IL7: variants seen among roughly 807,000 people sequenced by gnomAD.
The protein encoded by IL7 is interleukin-7.
Under a neutral mutation model 21.6 loss-of-function variants are expected in IL7, and 3 were observed. The ratio of observed to expected loss-of-function variants is 0.14; its 90% CI spans 0.06 to 0.36. The LOEUF (loss-of-function observed/expected upper bound fraction) is 0.36. Among genes scored for constraint, IL7 ranks in the 10% least tolerant of loss-of-function variants. IL7 has a pLI of 1.00. For missense variants in IL7, 175 were observed against 200.2 expected (o/e 0.87, Z 0.76); for synonymous variants, 62 against 68.1 (o/e 0.91, Z 0.44).
chr8:78,794,827 T>A (rs1250313021), intron 2 of IL7, among the ~76,000 whole-genome samples: 1 of 152,104 alleles, frequency 6.6e-6, no homozygotes, highest in Admixed American at 6.6e-5. Context: ...ACCACCAATC[T>A]TTAACACTCA....
At chr8:78,760,597 T>C in intron 2 of IL7, 1 of 1,561,982 alleles carries the variant, frequency 6.4e-7, no homozygotes, top group African/African-American at 1.4e-5. Context: ...GTCCCATGAC[T>C]GAGGGTACCA....
intron 3 of IL7, among the ~76,000 whole-genome samples, chr8:78,687,953 T>G (rs1810077448): frequency 6.9e-6 from 1 of 144,136 alleles, no homozygotes; most frequent in Non-Finnish European, 1.5e-5. Context: ...ATATAAACTA[T>G]ATCTATATTT....
At position 78,798,098 on chromosome 8, in the gene IL7, GA is replaced by G. The variant is rs772560190; in HGVS notation, c.120del (p.Leu41Ter). On this transcript the variant is annotated frameshift_variant, in exon 2 of 6. Coordinates refer to ENST00000263851, the MANE Select transcript of IL7 (RefSeq NM_000880.4). LOFTEE classifies it high-confidence loss of function. ...EGKDGKQYES[V>X]LMVSIDQLLD... ...AATAATTGATCGATGCTGACCATTAGAACACTCTCATATTGTTTGCCATCTT... is the reference window on the plus strand; with the variant it reads ...AATAATTGATCGATGCTGACCATTAGACACTCTCATATTGTTTGCCATCTT... The G allele has an allele frequency of 6.2e-7, 1 of 1,611,410 alleles. No individual in the cohort carries two copies. The highest frequency in any genetic ancestry group is 8.5e-7 in the Non-Finnish European group (1 of 1,178,288).
intron 3 of IL7, among the ~76,000 whole-genome samples, chr8:78,725,591 T>C (rs1429441895): frequency 1.3e-5 from 2 of 152,060 alleles, no homozygotes; most frequent in Non-Finnish European, 2.9e-5. Flanking sequence ...TTGGTCTAAC[T>C]TGTGCTTTCC....
In IL7 at chr8:78,733,706, A is replaced by G. The variant is rs776371159; in HGVS notation, c.*7T>C. Reference sequence around the variant, plus strand: ...GTTCGTGTTTCTATATTGCCACTCCATATTTTTCAGTGTTCTTTAGTGCCC... The same window carrying G: ...GTTCGTGTTTCTATATTGCCACTCCGTATTTTTCAGTGTTCTTTAGTGCCC... On this transcript the variant is annotated 3_prime_UTR_variant, in exon 6 of 6. Coordinates refer to ENST00000263851, the MANE Select transcript of IL7 (RefSeq NM_000880.4). The G allele has an allele frequency of 6.9e-6, 11 of 1,597,248 alleles. No individual in the cohort carries two copies. Among genetic ancestry groups the G allele is most frequent in the South Asian group, 2.3e-5 (2 of 87,266 alleles).
intron 3 of IL7, among the ~76,000 whole-genome samples, chr8:78,698,965 A>G (rs1276740839): frequency 1.3e-5 from 2 of 152,190 alleles, no homozygotes; most frequent in Admixed American, 6.5e-5. Flanking sequence ...ATAAATTGGG[A>G]TATCTTTGAC....
intron 2 of IL7, among the ~76,000 whole-genome samples, chr8:78,756,427 G>C (rs1812350645): frequency 6.6e-6 from 1 of 151,900 alleles, no homozygotes; most frequent in Non-Finnish European, 1.5e-5. Flanking sequence ...GTAGAACTCA[G>C]AAATAAAGCC....
At chr8:78,771,572 A>T (rs893241845) in intron 2 of IL7, among the ~76,000 whole-genome samples, 1 of 152,142 alleles carries the variant, frequency 6.6e-6, no homozygotes, top group African/African-American at 2.4e-5. Context: ...GAGTCAAAAA[A>T]TTGCAAAGAA....
At position 78,765,571 on chromosome 8, in the gene IL7, T is replaced by C. The variant is rs140057632; in HGVS notation, c.148-25489A>G. Among the ~76,000 whole-genome samples, 1,357 of 152,144 alleles carry C rather than the reference T, an allele frequency of 8.9e-3. 15 individuals are homozygous for C. Among genetic ancestry groups the C allele is most frequent in the African/African-American group, 0.031 (1,281 of 41,522 alleles). ...AAGATACACAGATAGCAAATAAGCA[T>C]ATGAAACGTTATTCAACAGCATATG... On this transcript the variant is annotated intron_variant, in intron 2 of 5. Coordinates refer to ENST00000263851, the MANE Select transcript of IL7 (RefSeq NM_000880.4).
At chr8:78,763,187 T>C (rs1812637009) in intron 2 of IL7, among the ~76,000 whole-genome samples, 1 of 152,194 alleles carries the variant, frequency 6.6e-6, no homozygotes, top group Non-Finnish European at 1.5e-5. Flanking sequence ...TGGACAGCAT[T>C]TGTTGGTGCC....
chr8:78,793,908 T>C (rs2130835736), intron 2 of IL7, among the ~76,000 whole-genome samples: 1 of 152,146 alleles, frequency 6.6e-6, no homozygotes, highest in East Asian at 1.9e-4. Flanking sequence ...CAAAGTAAAA[T>C]CATTTCAAGA....
intron 3 of IL7, among the ~76,000 whole-genome samples, chr8:78,696,146 T>C (rs1419978896): frequency 6.6e-6 from 1 of 152,092 alleles, no homozygotes; most frequent in Non-Finnish European, 1.5e-5. Flanking sequence ...GCCATTCTCC[T>C]GCCTCAGCCT....
chr8:78,731,674 C>CTT (rs1478779146), downstream of IL7, among the ~76,000 whole-genome samples: 1 of 151,764 alleles, frequency 6.6e-6, no homozygotes, highest in African/African-American at 2.4e-5. Flanking sequence ...AGTAGATATA[C>CTT]TTATACTCTC....
At chr8:78,739,422 C>T (rs556025781) in intron 3 of IL7, among the ~76,000 whole-genome samples, 1 of 152,024 alleles carries the variant, frequency 6.6e-6, no homozygotes, top group East Asian at 1.9e-4. Flanking sequence ...GGCCAGGCAC[C>T]GTGGCTCACG....
At chr8:78,697,307 C>A in intron 3 of IL7, 3 of 943,234 alleles carry the variant, frequency 3.2e-6, no homozygotes, top group Non-Finnish European at 4.6e-6. Context: ...TCTTGTAAGG[C>A]TGAAATCCTA....
chr8:78,707,650 G>T (rs1322296925), intron 3 of IL7, among the ~76,000 whole-genome samples: 1 of 152,112 alleles, frequency 6.6e-6, no homozygotes, highest in Admixed American at 6.5e-5. Flanking sequence ...ATATATAACT[G>T]TCAATCATAC....
intron 2 of IL7, among the ~76,000 whole-genome samples, chr8:78,797,114 G>A (rs576411882): frequency 3.5e-4 from 53 of 152,036 alleles, no homozygotes; most frequent in Non-Finnish European, 6.0e-4. Flanking sequence ...CATGGGGGAT[G>A]CTTTGATTCA....
chr8:78,763,983 C>T (rs1457801623), intron 2 of IL7, among the ~76,000 whole-genome samples: 2 of 151,972 alleles, frequency 1.3e-5, no homozygotes, highest in East Asian at 3.9e-4. Context: ...GGGGATAGCA[C>T]TTATCATCTA....
chr8:78,682,817 A>C (rs1809832489), intron 4 of IL7, among the ~76,000 whole-genome samples: 1 of 152,184 alleles, frequency 6.6e-6, no homozygotes, highest in African/African-American at 2.4e-5. Flanking sequence ...GAGTCTCTAA[A>C]ATCAAAAACA....
Sources: gnomAD v4.1 joint callset for allele counts (sites outside exome capture counted in the v4.1 genomes callset) on GRCh38, gnomAD v4.1.1 for gene constraint, MANE v1.5 for transcripts, NCBI Gene and HGNC (gene_info 2026-07-23, HGNC 2026-07-21) for gene names.